Variants in FSD1L observed in about 807,000 individuals in gnomAD.
FSD1L encodes the protein fibronectin type III and SPRY domain containing 1 like.
Under a neutral mutation model 71.6 loss-of-function variants are expected in FSD1L, and 45 were observed. The observed-to-expected ratio is 0.63, with a 90% CI of 0.49 to 0.81. The LOEUF (loss-of-function observed/expected upper bound fraction) is 0.81, where lower values mean the gene tolerates loss of function less well. Among genes scored for constraint, FSD1L ranks in the 30% least tolerant of loss-of-function variants. The pLI is 0.00. For synonymous variants in FSD1L, 197 were observed against 207.2 expected, an observed-to-expected ratio of 0.95 and a Z score of 0.42; for missense variants, 561 against 618.1, an observed-to-expected ratio of 0.91 and a Z score of 0.98.
chr9:105,534,456 A>C (rs1836130343), intron 10 of FSD1L, 37 bp from the exon 11 acceptor site: 1 of 1,127,822 alleles, frequency 8.9e-7, no homozygotes. Context: ...TTACAGTATA[A>C]AATATTTGTT....
chr9:105,520,879 A>G (rs549276084), intron 10 of FSD1L: 15 of 1,612,230 alleles, frequency 9.3e-6, no homozygotes, highest in East Asian at 2.2e-5. Flanking sequence ...CTCACAAGCT[A>G]TTTTCTTGAA....
intron 1 of FSD1L, among the ~76,000 whole-genome samples, chr9:105,450,832 C>T (rs1408486761): frequency 6.6e-6 from 1 of 152,146 alleles, no homozygotes; most frequent in Non-Finnish European, 1.5e-5. Flanking sequence ...CCACTGTGCC[C>T]GGTCTTGCAT....
intron 3 of FSD1L, among the ~76,000 whole-genome samples, chr9:105,466,991 A>G (rs1831126110): frequency 6.6e-6 from 1 of 152,198 alleles, no homozygotes; most frequent in Non-Finnish European, 1.5e-5. Flanking sequence ...AAAAGGCAAC[A>G]AGATGCCATC....
chr9:105,505,576 A>G (rs1300521490), intron 7 of FSD1L, among the ~76,000 whole-genome samples: 1 of 152,068 alleles, frequency 6.6e-6, no homozygotes, highest in Admixed American at 6.6e-5. Context: ...TGAATTTTCT[A>G]CATAGGCAGT....
chr9:105,514,941 C>G (rs1834613343), intron 10 of FSD1L, among the ~76,000 whole-genome samples: 1 of 152,274 alleles, frequency 6.6e-6, no homozygotes, highest in South Asian at 2.1e-4. Context: ...CACTCCTCCC[C>G]TGACCTCTGC....
chr9:105,539,472 C>T, intron 13 of FSD1L, 121 bp downstream of exon 13: 2 of 431,056 alleles, frequency 4.6e-6, no homozygotes, highest in Non-Finnish European at 8.1e-6. Flanking sequence ...TTCATATTCT[C>T]CTCCATTTCC....
At chr9:105,478,717 A>C (rs1453190531) in intron 5 of FSD1L, among the ~76,000 whole-genome samples, 1 of 152,146 alleles carries the variant, frequency 6.6e-6, no homozygotes, top group Non-Finnish European at 1.5e-5. Context: ...AGTTGGTAGC[A>C]TGTATGAAAT....
intron 1 of FSD1L, among the ~76,000 whole-genome samples, chr9:105,453,252 G>A (rs1245255213): frequency 2.0e-5 from 3 of 151,826 alleles, no homozygotes; most frequent in Non-Finnish European, 2.9e-5. Flanking sequence ...TATGATCTTG[G>A]CTCACTGCAA....
intron 1 of FSD1L, among the ~76,000 whole-genome samples, chr9:105,448,930 G>A (rs371451213): frequency 2.0e-5 from 3 of 152,186 alleles, no homozygotes; most frequent in African/African-American, 7.2e-5. Context: ...AATCGTAAAG[G>A]TTCAATTCAG....
intron 7 of FSD1L, among the ~76,000 whole-genome samples, chr9:105,489,085 T>G (rs1305750762): frequency 6.6e-6 from 1 of 152,130 alleles, no homozygotes; most frequent in Non-Finnish European, 1.5e-5. Context: ...CTATATCAGC[T>G]GACTATTATA....
chr9:105,502,630 A>T (rs1455952193), intron 7 of FSD1L, among the ~76,000 whole-genome samples: 1 of 152,076 alleles, frequency 6.6e-6, no homozygotes, highest in East Asian at 1.9e-4. Context: ...TCTGACAGAG[A>T]GTGCACATAC....
intron 13 of FSD1L, among the ~76,000 whole-genome samples, chr9:105,540,460 T>G (rs1836537790): frequency 6.6e-6 from 1 of 152,170 alleles, no homozygotes; most frequent in African/African-American, 2.4e-5. Context: ...GTTAGCACTT[T>G]TTGTGTTCTG....
At chr9:105,512,715 A>T in intron 9 of FSD1L, 92 bp from the exon 10 acceptor site, 1 of 659,684 alleles carries the variant, frequency 1.5e-6, no homozygotes, top group Non-Finnish European at 2.4e-6. Context: ...TATTGAATTG[A>T]TTGAGTAGGA....
chr9:105,493,993 C>A (rs1052916506), intron 7 of FSD1L, among the ~76,000 whole-genome samples: 4 of 152,168 alleles, frequency 2.6e-5, no homozygotes, highest in African/African-American at 9.7e-5. Context: ...AGTTGCTCTT[C>A]TTGAGGAGTA....
intron 5 of FSD1L, among the ~76,000 whole-genome samples, chr9:105,477,544 A>G (rs993709766): frequency 2.1e-4 from 32 of 152,290 alleles, no homozygotes; most frequent in African/African-American, 7.5e-4. Context: ...TTTCAAACCC[A>G]TTATCAGATA....
chr9:105,498,121 A>G (rs139098788), intron 7 of FSD1L, among the ~76,000 whole-genome samples: 1 of 151,888 alleles, frequency 6.6e-6, no homozygotes, highest in Non-Finnish European at 1.5e-5. Flanking sequence ...CTGGGACTAC[A>G]GGTGTGACTA....
chr9:105,495,794 G>C (rs1024710185), intron 7 of FSD1L, among the ~76,000 whole-genome samples: 7 of 152,076 alleles, frequency 4.6e-5, no homozygotes, highest in Non-Finnish European at 7.4e-5. Context: ...GGCTAACATG[G>C]TGAAACCTCC....
chr9:105,504,373 T>C (rs1833934535), intron 7 of FSD1L, among the ~76,000 whole-genome samples: 1 of 152,200 alleles, frequency 6.6e-6, no homozygotes, highest in Non-Finnish European at 1.5e-5. Context: ...CAATTCTAAG[T>C]ATTTATTGTA....
chr9:105,467,863 T>G (rs900396184), intron 3 of FSD1L, among the ~76,000 whole-genome samples: 1 of 152,224 alleles, frequency 6.6e-6, no homozygotes, highest in African/African-American at 2.4e-5. Flanking sequence ...AGAGTCTGCC[T>G]GAGAGACTGA....
Sources: allele counts gnomAD v4.1 joint callset (sites outside exome capture counted in the v4.1 genomes callset), GRCh38; gene constraint gnomAD v4.1.1; transcripts MANE v1.5; gene names NCBI Gene and HGNC (gene_info 2026-07-23, HGNC 2026-07-21).